The following ZNF446 variants were observed in gnomAD, a reference collection of about 807,000 sequenced individuals.
The protein encoded by ZNF446 is zinc finger protein 446.
ZNF446 carries 42 observed loss-of-function variants against 34.0 expected under a neutral mutation model. That is an observed-to-expected ratio of 1.23 (90% CI 0.96 to 1.60). ZNF446 has a LOEUF of 1.60. Among genes scored for constraint, ZNF446 ranks in the 40% most tolerant of loss-of-function variants. The pLI, the probability that ZNF446 is intolerant of heterozygous loss-of-function variation, is 0.00. For synonymous variants in ZNF446, 315 were observed against 251.0 expected (o/e 1.25, Z -2.41); for missense variants, 650 against 600.2 (o/e 1.08, Z -0.87).
chr19:58,479,974 G>T lies in ZNF446; in HGVS notation c.757G>T (p.Gly253Trp). ...AGAGGCACAGGCCCAGTCAGAGCTGGGGATGCTGCTCACGGGGACAGGCGT... is the reference window on the plus strand; with the variant it reads ...AGAGGCACAGGCCCAGTCAGAGCTGTGGATGCTGCTCACGGGGACAGGCGT... ...QPEAQAQSEL[G>W]MLLTGTGVCR... The change falls in exon 6 of 7, where the codon GGG becomes TGG. Residue 253 changes from glycine to tryptophan, a missense_variant. Gly to Trp is a radical substitution (Grantham distance 184, BLOSUM62 -2). Coordinates refer to ENST00000594369, the MANE Select transcript of ZNF446 (RefSeq NM_017908.4). The T allele has an allele frequency of 6.3e-7, 1 of 1,591,200 alleles. No homozygotes were observed. The highest frequency in any genetic ancestry group is 8.5e-7 in the Non-Finnish European group (1 of 1,171,594).
rs143035800 is a variant in ZNF446 at position 58,477,810 on chromosome 19, C to A, written c.516C>A (p.Val172=). The change falls in exon 3 of 7, where the codon GTC becomes GTA. Residue 172 remains valine (V), a synonymous_variant. Transcript: ENST00000594369. The part of the protein sequence containing the change: ...LSCSVKEEPN[V]DGQEVAPSSP... ...GCAGTGTGAAGGAGGAGCCCAATGT[C>A]GATGGACAGGAAGTGGGTGAGGTTG... The A allele has an allele frequency of 6.4e-7, 1 of 1,566,674 alleles. No homozygotes were observed. Among genetic ancestry groups the A allele is most frequent in the South Asian group, 1.2e-5 (1 of 83,674 alleles).
chr19:58,480,723 A>G lies in ZNF446; in HGVS notation c.1350A>G (p.Pro450=), dbSNP rs1198047212. The G allele has an allele frequency of 4.4e-6, 7 of 1,602,034 alleles. No individual in the cohort carries two copies. Among genetic ancestry groups the G allele is most frequent in the African/African-American group, 4.0e-5 (3 of 74,888 alleles). The change falls in exon 7 of 7, where the codon CCA becomes CCG. Residue 450 remains proline (P), a synonymous_variant. Coordinates refer to ENST00000594369, the MANE Select transcript of ZNF446 (RefSeq NM_017908.4). This position sits in a 1 kb window ranked among gnomAD's most constrained non-coding sequence, Gnocchi z 7.2. ...GCAAGGGCCACCGGCCGGAGGTTCC[A>G]TGAGCAGCCAGACAGCACAGTCCCT... The part of the protein sequence containing the change: ...IHRKGHRPEV[P]
rs1387320689 is a variant in ZNF446, at chr19:58,480,522, C to G, written c.1149C>G (p.His383Gln). 1.2e-6 allele frequency: 2 copies of G among 1,612,542 alleles called. No individual in the cohort carries two copies. The highest frequency in any genetic ancestry group is 8.5e-7 in the Non-Finnish European group (1 of 1,179,608). The stretch of plus-strand genomic sequence containing the variant: ...CACAAGGGGAGGTGGCCTTTCCGCA[C>G]CACCCCCGACGCTCACTCACAGGCC... ...KPPQGEVAFP[H>Q]HPRRSLTGPR... Residue 383 changes from histidine to glutamine, a missense_variant, in exon 7 of 7, where the codon CAC becomes CAG. Transcript: ENST00000594369. This position sits in a 1 kb window ranked among gnomAD's most constrained non-coding sequence, Gnocchi z 7.2.
intron 3 of ZNF446, 87 bp downstream of exon 3, chr19:58,477,913 G>A: frequency 7.2e-7 from 1 of 1,396,878 alleles, no homozygotes; most frequent in Non-Finnish European, 9.5e-7. Flanking sequence ...GGAGAGGTGT[G>A]TCAAGGCTGG....
chr19:58,481,778 GT>G (rs1190337221), downstream of ZNF446, among the ~76,000 whole-genome samples: 2 of 99,918 alleles, frequency 2.0e-5, no homozygotes, highest in African/African-American at 3.6e-5. Context: ...TAAAATCAAG[GT>G]TTTGTTTTGT....
intron 5 of ZNF446, 58 bp downstream of exon 5, chr19:58,479,785 G>A (rs1460089881): frequency 6.4e-7 from 1 of 1,563,942 alleles, no homozygotes; most frequent in South Asian, 1.1e-5. Flanking sequence ...CCACCCTGCA[G>A]CAGGCCTAGC....
the ZNF446 span, among the ~76,000 whole-genome samples, chr19:58,488,776 A>G: frequency 2.7e-5 from 4 of 147,432 alleles, no homozygotes; most frequent in Non-Finnish European, 4.5e-5. Context: ...GCGTGAACCC[A>G]GGAGGTGGAG....
chr19:58,481,482 T>G (rs1008596412), downstream of ZNF446, among the ~76,000 whole-genome samples: 1 of 152,132 alleles, frequency 6.6e-6, no homozygotes, highest in Non-Finnish European at 1.5e-5. Flanking sequence ...CCTTTCGAAG[T>G]ACGGCTGGAC....
In ZNF446 at chr19:58,478,675, A is replaced by C. The variant is rs149133010; in HGVS notation, c.627+494A>C. ...GCAAAATTGTGTGTCAAAAACAAAA[A>C]AAAAAAAAAGGATTTGGGCCTCAAG... On this transcript the variant is annotated intron_variant, in intron 4 of 6. Coordinates refer to ENST00000594369, the MANE Select transcript of ZNF446 (RefSeq NM_017908.4). Among the ~76,000 whole-genome samples the C allele has an allele frequency of 2.5e-3, 382 of 152,178 alleles. 6 individuals carry two copies. The East Asian group carries it at 0.059, about 23-fold the overall frequency.
At chr19:58,477,032 C>T (rs2053092335) in intron 1 of ZNF446, 147 bp from the exon 2 acceptor site, 3 of 562,176 alleles carry the variant, frequency 5.3e-6, no homozygotes, top group South Asian at 2.6e-5. Context: ...CTGTGACCCT[C>T]CTCCTTCCAT....
downstream of ZNF446, chr19:58,483,636 T>TGA (rs2053154311): frequency 6.6e-6 from 1 of 151,508 alleles, no homozygotes; most frequent in Admixed American, 6.6e-5. Flanking sequence ...GGCAACAGGA[T>TGA]GAGACCCTGT....
chr19:58,485,638 A>C (rs2122461168), downstream of ZNF446, among the ~76,000 whole-genome samples: 1 of 152,354 alleles, frequency 6.6e-6, no homozygotes, highest in East Asian at 1.9e-4. Context: ...ATGTTCACTG[A>C]ATATTGGAGA....
At position 58,478,195 on chromosome 19, in the gene ZNF446, A is replaced by G; in HGVS notation, c.627+14A>G. The G allele has an allele frequency of 6.2e-7, 1 of 1,612,116 alleles. No homozygotes were observed. Among genetic ancestry groups the G allele is most frequent in the Non-Finnish European group, 8.5e-7 (1 of 1,178,792 alleles). The stretch of plus-strand genomic sequence containing the variant: ...CCCAGGATTCAGGTGAGCAGCCCCA[A>G]GTGGGAAGTATAGGCCCCAGGTGTG... On this transcript the variant is annotated intron_variant, in intron 4 of 6. Transcript: ENST00000594369.
chr19:58,481,807 T>A (rs763432359), downstream of ZNF446, among the ~76,000 whole-genome samples: 3 of 149,290 alleles, frequency 2.0e-5, no homozygotes, highest in Non-Finnish European at 4.5e-5. Context: ...TGTTTTGTTT[T>A]GTCTGAGATG....
intron 2 of ZNF446, 30 bp from the exon 3 acceptor site, chr19:58,477,607 G>A: frequency 6.2e-7 from 1 of 1,613,496 alleles, no homozygotes; most frequent in Non-Finnish European, 8.5e-7. Flanking sequence ...ACCCTGGCTA[G>A]AGCCATTGTG....
the ZNF446 span, among the ~76,000 whole-genome samples, chr19:58,486,994 G>A: frequency 5.1e-5 from 3 of 59,396 alleles, no homozygotes; most frequent in South Asian, 2.4e-3. Flanking sequence ...TAGAGACGGG[G>A]TTTCACCGTG....
the ZNF446 span, among the ~76,000 whole-genome samples, chr19:58,486,846 G>A: frequency 4.7e-3 from 704 of 150,992 alleles, 21 homozygotes; most frequent in East Asian, 0.083. Flanking sequence ...TCTGTCGCCC[G>A]GGCTAGAGTG....
At chr19:58,486,725 G>A in the ZNF446 span, among the ~76,000 whole-genome samples, 27 of 149,016 alleles carry the variant, frequency 1.8e-4, no homozygotes, top group Non-Finnish European at 3.6e-4. Context: ...TTTGGGGGGG[G>A]GCGGGGAGAG....
chr19:58,487,046 C>T, the ZNF446 span, among the ~76,000 whole-genome samples: 23 of 151,824 alleles, frequency 1.5e-4, no homozygotes, highest in African/African-American at 5.6e-4. Context: ...CCACCTCGGC[C>T]TCCCAAAGTG....
Sources: gnomAD v4.1 joint callset for allele counts (sites outside exome capture counted in the v4.1 genomes callset) on GRCh38, gnomAD v4.1.1 for gene constraint, Gnocchi (gnomAD v3.1) non-coding constraint, MANE v1.5 for transcripts, NCBI Gene and HGNC (gene_info 2026-07-23, HGNC 2026-07-21) for gene names.